The following DAGLB variants were observed in gnomAD, a reference collection of about 807,000 sequenced individuals.
DAGLB encodes diacylglycerol lipase-beta.
DAGLB carries 66 observed loss-of-function variants against 72.1 expected under a neutral mutation model. The ratio of observed to expected loss-of-function variants is 0.92; its 90% CI spans 0.75 to 1.12. DAGLB has a LOEUF of 1.12. Ranked by LOEUF, DAGLB falls within the 50% of genes most tolerant of loss-of-function variation. The pLI is 0.00. For missense variants in DAGLB, 1,065 were observed against 884.9 expected, an observed-to-expected ratio of 1.20 and a Z score of -2.58; for synonymous variants, 414 against 359.5, an observed-to-expected ratio of 1.15 and a Z score of -1.71.
chr7:6,444,805 C>G (rs1784942135), intron 2 of DAGLB, among the ~76,000 whole-genome samples: 1 of 152,088 alleles, frequency 6.6e-6, no homozygotes, highest in Non-Finnish European at 1.5e-5. Context: ...ATTCGGGAGG[C>G]TGAGGCAGGA....
intron 2 of DAGLB, among the ~76,000 whole-genome samples, chr7:6,441,511 G>T (rs928430450): frequency 6.7e-6 from 1 of 148,334 alleles, no homozygotes; most frequent in African/African-American, 2.5e-5. Flanking sequence ...TCCGCCTCCC[G>T]AGTTCAAGCG....
chr7:6,424,896 G>C, intron 7 of DAGLB, 61 bp from the exon 8 acceptor site: 1 of 1,552,410 alleles, frequency 6.4e-7, no homozygotes, highest in Non-Finnish European at 8.9e-7. Context: ...AGCACGCAAA[G>C]TCGGAGCCCT....
intron 1 of DAGLB, 25 bp downstream of exon 1, chr7:6,447,723 C>A: frequency 6.2e-7 from 1 of 1,606,360 alleles, no homozygotes; most frequent in Non-Finnish European, 8.5e-7. Flanking sequence ...GTGGGCTCCA[C>A]CGCCCCCGTA....
At chr7:6,442,186 T>C (rs1374751982) in intron 2 of DAGLB, among the ~76,000 whole-genome samples, 7 of 151,980 alleles carry the variant, frequency 4.6e-5, no homozygotes, top group Admixed American at 1.3e-4. Flanking sequence ...GCCTAGGGTC[T>C]GCTTCTCTGA....
rs1165776577 is a variant in DAGLB at position 6,410,261 on chromosome 7, C to G, written c.1689G>C (p.Gln563His). The G allele has an allele frequency of 3.7e-6, 6 of 1,613,624 alleles. No individual in the cohort carries two copies. The South Asian group carries it at 6.6e-5, about 18-fold the overall frequency. ...EVLTQPLLGE[Q>H]SLLTRWSPAY... Reference sequence around the variant, plus strand: ...CCGGGGACCAGCGCGTCAGTAGGCTCTGCTCCCCCAGAAGAGGCTGTGTCA... The same window carrying G: ...CCGGGGACCAGCGCGTCAGTAGGCTGTGCTCCCCCAGAAGAGGCTGTGTCA... The change falls in exon 14 of 15, where the codon CAG becomes CAC. Residue 563 changes from glutamine (Q) to histidine (H), a missense_variant. Physicochemically the swap from Gln to His is conservative, Grantham distance 24. Transcript: ENST00000297056.
At chr7:6,444,761 T>G (rs1295647465) in intron 2 of DAGLB, among the ~76,000 whole-genome samples, 1 of 151,582 alleles carries the variant, frequency 6.6e-6, no homozygotes, top group Admixed American at 6.6e-5. Flanking sequence ...CTCAAAGCCA[T>G]GAGACAAAAA....
At chr7:6,418,401 G>GA (rs1175799675) in intron 9 of DAGLB, among the ~76,000 whole-genome samples, 2 of 150,604 alleles carry the variant, frequency 1.3e-5, no homozygotes, top group East Asian at 2.0e-4. Context: ...ATAAATAAAA[G>GA]AAAAAAAATA....
intron 2 of DAGLB, among the ~76,000 whole-genome samples, chr7:6,438,859 AGATAATGAT>A (rs779723019): frequency 1.4e-5 from 2 of 146,242 alleles, no homozygotes; most frequent in Non-Finnish European, 3.1e-5. Context: ...TTTTTAAAAA[AGATAATGAT>A]GATGATGATG....
Position 6,416,898 on chromosome 7 carries a change from G to GT in DAGLB, c.1241dup (p.Tyr414Ter). 1 of 1,614,186 alleles carries GT rather than the reference G, an allele frequency of 6.2e-7. No homozygotes were observed. The highest frequency in any genetic ancestry group is 1.3e-5 in the African/African-American group (1 of 75,060). ...AHKGISQAAR[Y>*]VYQRLINDGI... Reference sequence around the variant, plus strand: ...CGTCGTTGATGAGTCGTTGGTAAACGTATCTGGCAGCTTGAGAAATACCCT... The same window carrying GT: ...CGTCGTTGATGAGTCGTTGGTAAACGTTATCTGGCAGCTTGAGAAATACCCT... The change falls in exon 10 of 15, where the codon TAC becomes TAAC. Residue 414 changes from tyrosine (Y) to a stop codon, truncating the protein, a stop_gained and frameshift_variant. Transcript: ENST00000297056. LOFTEE classifies it high-confidence loss of function.
chr7:6,421,237 C>T (rs1784107536), intron 9 of DAGLB, among the ~76,000 whole-genome samples: 1 of 152,242 alleles, frequency 6.6e-6, no homozygotes. Flanking sequence ...AAGGCACTCG[C>T]TCTCTCTGAA....
At chr7:6,430,250 C>CATAGATATATATATATATATATAT (rs1784439038) in intron 6 of DAGLB, among the ~76,000 whole-genome samples, 1 of 45,738 alleles carries the variant, frequency 2.2e-5, no homozygotes, top group Non-Finnish European at 3.7e-5. Flanking sequence ...AATACATGTG[C>CATAGATATATATATATATATATAT]ATATATATAT....
intron 6 of DAGLB, among the ~76,000 whole-genome samples, chr7:6,426,929 G>A (rs545429205): frequency 6.6e-6 from 1 of 152,228 alleles, no homozygotes; most frequent in East Asian, 1.9e-4. Flanking sequence ...CCAACGTGCT[G>A]GAACCCCACC....
chr7:6,416,961 A>T (rs1783938603), intron 9 of DAGLB, 40 bp from the exon 10 acceptor site: 5 of 1,609,070 alleles, frequency 3.1e-6, no homozygotes, highest in Non-Finnish European at 4.3e-6. Flanking sequence ...TAATCCTCAG[A>T]CAAGGCAGGC....
intron 13 of DAGLB, among the ~76,000 whole-genome samples, chr7:6,411,360 A>G (rs1783722567): frequency 6.6e-6 from 1 of 151,814 alleles, no homozygotes; most frequent in Admixed American, 6.6e-5. Flanking sequence ...AGTGGCTCAC[A>G]CCTGTAATCC....
intron 3 of DAGLB, chr7:6,435,368 C>T (rs1784620390): frequency 4.5e-6 from 1 of 220,688 alleles, no homozygotes; most frequent in African/African-American, 2.2e-5. Context: ...TGCCTGTAGT[C>T]CCAGCTTCTG....
Position 6,409,816 on chromosome 7 carries a change from G to C in DAGLB, c.*21C>G. Reference sequence around the variant, plus strand: ...AAAAGCGTGAGTCCATCGTTCCTGGGACAGTTTCCAGTGGCCCTGGTCAGG... The same window carrying C: ...AAAAGCGTGAGTCCATCGTTCCTGGCACAGTTTCCAGTGGCCCTGGTCAGG... On this transcript the variant is annotated 3_prime_UTR_variant, in exon 15 of 15. Transcript: ENST00000297056. 1 of 1,610,096 alleles carries C rather than the reference G, an allele frequency of 6.2e-7. No homozygotes were observed. The highest frequency in any genetic ancestry group is 8.5e-7 in the Non-Finnish European group (1 of 1,177,836).
intron 2 of DAGLB, among the ~76,000 whole-genome samples, chr7:6,441,421 C>G (rs1583302557): frequency 9.4e-6 from 1 of 106,284 alleles, no homozygotes; most frequent in Non-Finnish European, 2.0e-5. Context: ...ACATTTTTTT[C>G]TTTTTTTTTT....
chr7:6,435,058 G>A (rs774365954), intron 3 of DAGLB, 38 bp from the exon 4 acceptor site: 1 of 1,604,496 alleles, frequency 6.2e-7, no homozygotes, highest in Non-Finnish European at 8.5e-7. Flanking sequence ...GGTGACTGCG[G>A]GCCCCAGCCC....
intron 13 of DAGLB, chr7:6,412,566 A>G (rs940753834): frequency 1.7e-5 from 9 of 538,014 alleles, no homozygotes; most frequent in African/African-American, 1.5e-4. Flanking sequence ...GATTCCAGGC[A>G]TACACCACTG....
Sources: allele counts gnomAD v4.1 joint callset (sites outside exome capture counted in the v4.1 genomes callset), GRCh38; gene constraint gnomAD v4.1.1; transcripts MANE v1.5; gene names NCBI Gene and HGNC (gene_info 2026-07-23, HGNC 2026-07-21).